The following TRAF3 variants were observed in gnomAD, a reference collection of about 807,000 sequenced individuals.
TRAF3 encodes the protein TNF receptor associated factor 3.
Under a neutral mutation model 62.3 loss-of-function variants are expected in TRAF3, and 13 were observed. The observed-to-expected ratio is 0.21, with a 90% CI of 0.14 to 0.33. The LOEUF (loss-of-function observed/expected upper bound fraction) is 0.33. Among genes scored for constraint, TRAF3 ranks in the 10% least tolerant of loss-of-function variants. The probability of loss-of-function intolerance (pLI) is 1.00; values close to 1 mark genes in which losing one functional copy is unlikely to be tolerated. For synonymous variants in TRAF3, 269 were observed against 283.4 expected (o/e 0.95, Z 0.51); for missense variants, 440 against 741.8 (o/e 0.59, Z 4.73).
intron 1 of TRAF3, among the ~76,000 whole-genome samples, chr14:102,820,590 ATATATATATATATATATATATATATTTTT>A (rs1261464040): frequency 1.3e-3 from 8 of 5,986 alleles, no homozygotes; most frequent in African/African-American, 6.8e-3. Flanking sequence ...ATATATATAT[ATATATATATATATATATATATATATTTTT>A]TTTTTTTTTT....
At chr14:102,880,377 C>A (rs1888979297) in intron 6 of TRAF3, among the ~76,000 whole-genome samples, 1 of 152,198 alleles carries the variant, frequency 6.6e-6, no homozygotes, top group East Asian at 1.9e-4. Flanking sequence ...GCCTAATTAA[C>A]AAGACTTCAG....
Position 102,826,569 on chromosome 14 carries a change from C to CAG in TRAF3, c.-156-3761_-156-3760dup, listed in dbSNP as rs1900325506. On this transcript the variant is annotated intron_variant, in intron 1 of 11. Coordinates refer to ENST00000392745, the MANE Select transcript of TRAF3 (RefSeq NM_145725.3). The surrounding 1 kb of genome is among the most constrained non-coding windows in gnomAD (Gnocchi z 4.6). ...TGAGATGTGAAGTAGGTTAGGTAGCCAGAGACAAGGCAAAGAAGGGCCATT... is the reference window on the plus strand; with the variant it reads ...TGAGATGTGAAGTAGGTTAGGTAGCCAGAGAGACAAGGCAAAGAAGGGCCATT... Among the ~76,000 whole-genome samples, 1 of 152,090 alleles carries CAG rather than the reference C, an allele frequency of 6.6e-6. No homozygotes were observed. Among genetic ancestry groups the CAG allele is most frequent in the African/African-American group, 2.4e-5 (1 of 41,410 alleles).
intron 1 of TRAF3, among the ~76,000 whole-genome samples, chr14:102,810,056 C>G (rs752867568): frequency 1.2e-4 from 18 of 152,040 alleles, no homozygotes; most frequent in Non-Finnish European, 2.5e-4. Flanking sequence ...TAAAAATAAG[C>G]AAAGAAGAAT....
intron 2 of TRAF3, among the ~76,000 whole-genome samples, chr14:102,831,610 C>T (rs1900691511): frequency 6.6e-6 from 1 of 152,162 alleles, no homozygotes; most frequent in South Asian, 2.1e-4. Flanking sequence ...CCCAGTGCTG[C>T]CTGCTGCCCG....
At chr14:102,900,243 C>T (rs1432116772) in intron 10 of TRAF3, among the ~76,000 whole-genome samples, 1 of 149,818 alleles carries the variant, frequency 6.7e-6, no homozygotes, top group Non-Finnish European at 1.5e-5. Context: ...TGGCTCACAC[C>T]CATATTCCCA....
In TRAF3 at chr14:102,874,635, A is replaced by G. The variant is rs573285603; in HGVS notation, c.298-989A>G. Among the ~76,000 whole-genome samples the G allele has an allele frequency of 8.0e-4, 118 of 148,116 alleles. No homozygotes were observed. The Middle Eastern group carries it at 0.017, about 21-fold the overall frequency. On this transcript the variant is annotated intron_variant, in intron 4 of 11. Coordinates refer to ENST00000392745, the MANE Select transcript of TRAF3 (RefSeq NM_145725.3). ...GGGAAAAATAAAATTAAAAGTTGAAAGGTTTTTTCTTCTTCTTTTTTTTTT... is the reference window on the plus strand; with the variant it reads ...GGGAAAAATAAAATTAAAAGTTGAAGGGTTTTTTCTTCTTCTTTTTTTTTT...
intron 1 of TRAF3, among the ~76,000 whole-genome samples, chr14:102,803,743 C>T (rs916556229): frequency 2.0e-5 from 3 of 152,136 alleles, no homozygotes; most frequent in Admixed American, 1.3e-4. Flanking sequence ...AGAGCTGGAG[C>T]TGGTGGCCGG....
intron 2 of TRAF3, among the ~76,000 whole-genome samples, chr14:102,841,453 T>TGAAGG (rs1336626127): frequency 6.6e-6 from 1 of 152,220 alleles, no homozygotes; most frequent in African/African-American, 2.4e-5. Flanking sequence ...GTAGATCCTT[T>TGAAGG]GAAGGGTTGC....
At chr14:102,865,199 C>CTT (rs1338185155) in intron 2 of TRAF3, among the ~76,000 whole-genome samples, 1 of 152,136 alleles carries the variant, frequency 6.6e-6, no homozygotes, top group Non-Finnish European at 1.5e-5. Context: ...GTTGAGGTGT[C>CTT]TGTCTCCTGC....
chr14:102,892,047 CTTTTTTT>C (rs778938323), intron 9 of TRAF3, among the ~76,000 whole-genome samples: 1 of 121,450 alleles, frequency 8.2e-6, no homozygotes, highest in Non-Finnish European at 1.8e-5. Context: ...CCATGCTGTT[CTTTTTTT>C]TTTTTTTTTT....
rs1327573442 is a variant in TRAF3 at position 102,875,701 on chromosome 14, A to C, written c.375A>C (p.Ala125=). The C allele has an allele frequency of 7.4e-6, 12 of 1,613,998 alleles. No individual in the cohort carries two copies. Among genetic ancestry groups the C allele is most frequent in the Admixed American group, 3.3e-5 (2 of 60,012 alleles). The change falls in exon 5 of 12, where the codon GCA becomes GCC. Residue 125 remains alanine, a synonymous_variant. Coordinates refer to ENST00000392745, the MANE Select transcript of TRAF3 (RefSeq NM_145725.3). ...GTCGGAATGAAAGCAGAGGTTGTGC[A>C]GAGCAGTTAATGCTGGGACATCTGC... is the stretch of plus-strand genomic sequence containing the variant. ...IYCRNESRGC[A]EQLMLGHLLV... is the part of the protein sequence containing the mutation.
At chr14:102,792,881 AC>A (rs369335368) in intron 1 of TRAF3, among the ~76,000 whole-genome samples, 2 of 151,658 alleles carry the variant, frequency 1.3e-5, no homozygotes, top group African/African-American at 4.8e-5. Context: ...TTCCTTTGTC[AC>A]CCAGGCTGGA....
In TRAF3 at chr14:102,910,753, G is replaced by C. The variant is rs752533495; in HGVS notation, c.*4969G>C. The C allele has an allele frequency of 6.6e-6, 1 of 152,274 alleles. No homozygotes were observed. The highest frequency in any genetic ancestry group is 1.9e-4 in the East Asian group (1 of 5,190). 9.4% of individuals were successfully genotyped at this position (152,274 alleles called of 1,614,324 possible). On this transcript the variant is annotated 3_prime_UTR_variant, in exon 12 of 12. Coordinates refer to ENST00000392745, the MANE Select transcript of TRAF3 (RefSeq NM_145725.3). ...TGCGTTTCATTTCTCCTGCTGCACT[G>C]TGTCTAGTCTGTCTTGTGAACTCTC...
intron 2 of TRAF3, among the ~76,000 whole-genome samples, chr14:102,848,635 AGTTT>A (rs1349204531): frequency 1.3e-5 from 2 of 152,204 alleles, no homozygotes; most frequent in African/African-American, 2.4e-5. Flanking sequence ...TGGTATTTTT[AGTTT>A]GTTTGAAGCA....
intron 1 of TRAF3, among the ~76,000 whole-genome samples, chr14:102,788,556 T>G (rs1010282701): frequency 5.9e-5 from 9 of 151,928 alleles, no homozygotes; most frequent in African/African-American, 2.2e-4. Context: ...TCCCAGCACT[T>G]TGGGAGGCTG....
chr14:102,886,086 G>A (rs1889365958), intron 6 of TRAF3, 103 bp from the exon 7 acceptor site: 4 of 979,052 alleles, frequency 4.1e-6, no homozygotes, highest in Admixed American at 1.9e-5. Context: ...AGAGGACAGC[G>A]ATGGTGAGCA....
At chr14:102,881,728 C>T (rs1364031107) in intron 6 of TRAF3, among the ~76,000 whole-genome samples, 1 of 152,102 alleles carries the variant, frequency 6.6e-6, no homozygotes, top group Non-Finnish European at 1.5e-5. Context: ...TGCACATGTA[C>T]CCTGGAACTT....
At chr14:102,814,071 G>T (rs1405564958) in intron 1 of TRAF3, among the ~76,000 whole-genome samples, 5 of 152,024 alleles carry the variant, frequency 3.3e-5, no homozygotes, top group African/African-American at 1.2e-4. Flanking sequence ...TTCATTTTTA[G>T]TTCATTTTTG....
At chr14:102,849,462 T>A (rs1886909232) in intron 2 of TRAF3, among the ~76,000 whole-genome samples, 1 of 152,254 alleles carries the variant, frequency 6.6e-6, no homozygotes, top group Admixed American at 6.5e-5. Context: ...AATGAATACT[T>A]TTTAAAAATC....
Sources: gnomAD v4.1 joint callset for allele counts (sites outside exome capture counted in the v4.1 genomes callset) on GRCh38, gnomAD v4.1.1 for gene constraint, Gnocchi (gnomAD v3.1) non-coding constraint, MANE v1.5 for transcripts, NCBI Gene and HGNC (gene_info 2026-07-23, HGNC 2026-07-21) for gene names.